METTL15: variants seen among roughly 807,000 people sequenced by gnomAD.
METTL15 encodes 12S rRNA N(4)-cytidine methyltransferase METTL15.
A neutral mutation model predicts 38.3 loss-of-function variants in METTL15; 34 were observed. The observed-to-expected ratio is 0.89, with a 90% CI of 0.68 to 1.18. The LOEUF (loss-of-function observed/expected upper bound fraction) is 1.18. Ranked by LOEUF, METTL15 falls within the 50% of genes most tolerant of loss-of-function variation. METTL15 has a pLI of 0.00. For missense variants in METTL15, 438 were observed against 498.4 expected (o/e 0.88, Z 1.15); for synonymous variants, 162 against 170.9 (o/e 0.95, Z 0.41).
At chr11:28,218,490 C>T (rs1006993804) in intron 4 of METTL15, among the ~76,000 whole-genome samples, 18 of 152,156 alleles carry the variant, frequency 1.2e-4, no homozygotes, top group Non-Finnish European at 2.5e-4. Flanking sequence ...GATATACAAT[C>T]ATGTCATCTG....
At chr11:28,390,670 C>T (rs1044705678) in intron 5 of METTL15, among the ~76,000 whole-genome samples, 7 of 152,178 alleles carry the variant, frequency 4.6e-5, no homozygotes, top group Non-Finnish European at 1.0e-4. Context: ...CATGATGCCT[C>T]CAGCTTTGTT....
chr11:28,119,314 A>G (rs1360404824), intron 3 of METTL15, among the ~76,000 whole-genome samples: 1 of 152,198 alleles, frequency 6.6e-6, no homozygotes, highest in Non-Finnish European at 1.5e-5. Flanking sequence ...GGCCTGCCAC[A>G]TGGTAGTTTT....
intron 4 of METTL15, among the ~76,000 whole-genome samples, chr11:28,248,419 A>G (rs1287291099): frequency 1.3e-5 from 2 of 152,046 alleles, no homozygotes; most frequent in Non-Finnish European, 2.9e-5. Flanking sequence ...GTCATCCAGT[A>G]TCTGAAATCC....
chr11:28,426,702 T>C (rs189058908), intron 6 of METTL15, among the ~76,000 whole-genome samples: 1 of 152,192 alleles, frequency 6.6e-6, no homozygotes, highest in East Asian at 1.9e-4. Flanking sequence ...TTGAGCTTTT[T>C]TTCATATGTT....
intron 3 of METTL15, among the ~76,000 whole-genome samples, chr11:28,174,510 A>G (rs187103889): frequency 1.4e-3 from 218 of 152,174 alleles, no homozygotes; most frequent in Non-Finnish European, 2.6e-3. Context: ...TTCCAGACAT[A>G]TTTTTTTAAG....
chr11:28,437,253 T>C (rs1370331061), intron 6 of METTL15, among the ~76,000 whole-genome samples: 2 of 152,222 alleles, frequency 1.3e-5, no homozygotes, highest in Non-Finnish European at 2.9e-5. Context: ...CTTGTGATCA[T>C]GGGAGTCGAT....
At chr11:28,258,652 C>A (rs1337312221) in intron 4 of METTL15, among the ~76,000 whole-genome samples, 1 of 152,160 alleles carries the variant, frequency 6.6e-6, no homozygotes, top group Non-Finnish European at 1.5e-5. Context: ...TCCATGGCCA[C>A]CACAACCATG....
At chr11:28,372,401 T>A (rs1261573873) in intron 5 of METTL15, among the ~76,000 whole-genome samples, 2 of 151,496 alleles carry the variant, frequency 1.3e-5, no homozygotes, top group African/African-American at 4.8e-5. Context: ...GATTTTTGTA[T>A]CGATGTTCAT....
chr11:28,161,118 T>TTG (rs1850445383), intron 3 of METTL15, among the ~76,000 whole-genome samples: 1 of 149,610 alleles, frequency 6.7e-6, no homozygotes. Context: ...TTTTTTTTTT[T>TTG]TTTTTTTTGT....
intron 4 of METTL15, among the ~76,000 whole-genome samples, chr11:28,243,691 A>G (rs1854396597): frequency 6.6e-6 from 1 of 152,178 alleles, no homozygotes; most frequent in Non-Finnish European, 1.5e-5. Flanking sequence ...CAAATCATCA[A>G]TTTTACTGAT....
chr11:28,490,645 C>A (rs532448727), intron 6 of METTL15, among the ~76,000 whole-genome samples: 1 of 152,028 alleles, frequency 6.6e-6, no homozygotes, highest in African/African-American at 2.4e-5. Context: ...GGTCGAGCAC[C>A]ACTAATTTAA....
chr11:28,185,816 A>G (rs1851472968), intron 3 of METTL15, among the ~76,000 whole-genome samples: 1 of 150,634 alleles, frequency 6.6e-6, no homozygotes, highest in African/African-American at 2.4e-5. Context: ...TTGAAGATAT[A>G]ACAGTTAACA....
chr11:28,401,499 G>A (rs551687161), intron 5 of METTL15, among the ~76,000 whole-genome samples: 6 of 151,656 alleles, frequency 4.0e-5, no homozygotes, highest in Non-Finnish European at 8.8e-5. Context: ...TGTGCTTTTA[G>A]TGAGTAATTG....
At chr11:28,295,407 G>C (rs1189462672) in intron 5 of METTL15, among the ~76,000 whole-genome samples, 1 of 152,046 alleles carries the variant, frequency 6.6e-6, no homozygotes, top group Non-Finnish European at 1.5e-5. Context: ...AGCCTACTGA[G>C]ATAGAAATAG....
intron 6 of METTL15, among the ~76,000 whole-genome samples, chr11:28,318,646 A>T (rs1198855653): frequency 6.6e-6 from 1 of 152,202 alleles, no homozygotes; most frequent in African/African-American, 2.4e-5. Context: ...CTAATTTCCT[A>T]AGGTTTTAGC....
intron 4 of METTL15, among the ~76,000 whole-genome samples, chr11:28,238,270 T>C (rs1342828136): frequency 6.6e-6 from 1 of 152,150 alleles, no homozygotes; most frequent in Non-Finnish European, 1.5e-5. Flanking sequence ...CAGTGCGAGC[T>C]TCCCGGCTGC....
At position 28,187,174 on chromosome 11, in the gene METTL15, C is replaced by T. The variant is rs1433706891; in HGVS notation, c.271-23888C>T. On this transcript the variant is annotated intron_variant, in intron 3 of 6. Coordinates refer to ENST00000407364, the MANE Select transcript of METTL15 (RefSeq NM_001113528.2). Reference sequence around the variant, plus strand: ...TAAATATAAAATTAACTAAATTTATCCAGTAATCCAGAAGTTGTTCTGAAC... The same window carrying T: ...TAAATATAAAATTAACTAAATTTATTCAGTAATCCAGAAGTTGTTCTGAAC... Among the ~76,000 whole-genome samples the T allele has an allele frequency of 9.9e-5, 15 of 151,096 alleles. No homozygotes were observed. In the Admixed American group the frequency reaches 9.9e-4, roughly 10 times the overall value.
chr11:28,520,632 C>T (rs1466293027), intron 6 of METTL15, among the ~76,000 whole-genome samples: 3 of 152,142 alleles, frequency 2.0e-5, no homozygotes, highest in Non-Finnish European at 2.9e-5. Flanking sequence ...TCAGGATTAT[C>T]TGGTAATTAA....
chr11:28,193,495 T>C (rs1046699551), intron 3 of METTL15, among the ~76,000 whole-genome samples: 1 of 152,000 alleles, frequency 6.6e-6, no homozygotes, highest in Non-Finnish European at 1.5e-5. Context: ...ACTAAACCAT[T>C]AGAAACCACT....
Sources: allele counts gnomAD v4.1 joint callset (sites outside exome capture counted in the v4.1 genomes callset), GRCh38; gene constraint gnomAD v4.1.1; transcripts MANE v1.5; gene names NCBI Gene and HGNC (gene_info 2026-07-23, HGNC 2026-07-21).